Variants in DGLUCY observed in about 807,000 individuals in gnomAD.
DGLUCY encodes D-glutamate cyclase, also known as D-glutamate cyclase, mitochondrial.
A neutral mutation model predicts 58.5 loss-of-function variants in DGLUCY; 58 were observed. The ratio of observed to expected loss-of-function variants is 0.99; its 90% CI spans 0.80 to 1.23. The LOEUF (loss-of-function observed/expected upper bound fraction) is 1.23, where lower values mean the gene tolerates loss of function less well. Ranked by LOEUF, DGLUCY falls within the 50% of genes most tolerant of loss-of-function variation. The pLI is 0.00. For missense variants in DGLUCY, 779 were observed against 784.7 expected (o/e 0.99, Z 0.09); for synonymous variants, 325 against 314.1 (o/e 1.03, Z -0.37).
At chr14:91,211,432 T>C (rs1038354716) in intron 12 of DGLUCY, among the ~76,000 whole-genome samples, 3 of 152,194 alleles carry the variant, frequency 2.0e-5, no homozygotes, top group Admixed American at 6.5e-5. Context: ...TAAGACTTAC[T>C]ATAAAGCTAC....
intron 8 of DGLUCY, among the ~76,000 whole-genome samples, chr14:91,183,452 C>T (rs975740858): frequency 6.6e-6 from 1 of 152,182 alleles, no homozygotes; most frequent in Admixed American, 6.5e-5. Context: ...CCTTTGTTGG[C>T]AAACACTCAT....
chr14:91,204,771 C>T lies in DGLUCY; in HGVS notation c.1510C>T (p.Arg504Trp), dbSNP rs149609125. The T allele has an allele frequency of 1.0e-3, 1,647 of 1,614,086 alleles. 5 individuals carry two copies. Among genetic ancestry groups the T allele is most frequent in the Non-Finnish European group, 1.2e-3 (1,462 of 1,179,984 alleles). ...CAAGGAGGCTGTGAGGAGGCACATA[C>T]GGCACGGGGATGTCATCGCCTGCGA... Reference protein sequence around the residue: ...KVKEAVRRHIRHGDVIACDVE... With the variant: ...KVKEAVRRHIWHGDVIACDVE... Residue 504 changes from arginine to tryptophan, a missense_variant, in exon 12 of 14, where the codon CGG (arginine) becomes TGG (tryptophan). By Grantham distance (101) the Arg-to-Trp change is moderately radical. Coordinates refer to ENST00000256324, the MANE Select transcript of DGLUCY (RefSeq NM_001102368.3).
At chr14:91,164,870 G>A (rs2048189191) in intron 3 of DGLUCY, among the ~76,000 whole-genome samples, 1 of 152,218 alleles carries the variant, frequency 6.6e-6, no homozygotes, top group Admixed American at 6.5e-5. Flanking sequence ...TCAAGGCCAT[G>A]GGGCTCTGCA....
intron 9 of DGLUCY, among the ~76,000 whole-genome samples, chr14:91,194,786 G>T (rs557068454): frequency 1.3e-5 from 2 of 152,188 alleles, no homozygotes; most frequent in East Asian, 3.9e-4. Context: ...TGATCTGCCC[G>T]CCTCAGACTC....
intron 1 of DGLUCY, among the ~76,000 whole-genome samples, chr14:91,125,851 G>A (rs565263825): frequency 6.6e-6 from 1 of 152,306 alleles, no homozygotes; most frequent in South Asian, 2.1e-4. Context: ...AGAATTGCTT[G>A]AACCGAGGAG....
chr14:91,115,193 G>C (rs1001807289), intron 1 of DGLUCY: 1 of 152,516 alleles, frequency 6.6e-6, no homozygotes, highest in Non-Finnish European at 1.5e-5. Flanking sequence ...TTGGCACGCA[G>C]GGGACGAGAG....
At chr14:91,196,655 G>C (rs2050232868) in intron 10 of DGLUCY, among the ~76,000 whole-genome samples, 181 bp downstream of exon 10, 1 of 151,138 alleles carries the variant, frequency 6.6e-6, no homozygotes, top group South Asian at 2.1e-4. Flanking sequence ...AGGTATCCTG[G>C]GGGCCTCACA....
At chr14:91,167,092 T>C (rs2048325899) in intron 3 of DGLUCY, 133 bp from the exon 4 acceptor site, 2 of 1,169,764 alleles carry the variant, frequency 1.7e-6, no homozygotes, top group Non-Finnish European at 2.4e-6. Flanking sequence ...TGAGCCAAGA[T>C]TGTGCCATTG....
chr14:91,215,389 TG>T lies in DGLUCY; in HGVS notation c.1565-15del. On this transcript the variant is annotated splice_polypyrimidine_tract_variant and intron_variant, in intron 12 of 13. Coordinates refer to ENST00000256324, the MANE Select transcript of DGLUCY (RefSeq NM_001102368.3). The stretch of plus-strand genomic sequence containing the variant: ...CTTTTCCAACTCCATGATGGAATCT[TG>T]TTTTGCTGTTCTAGGTGTTTCTAAC... 6.3e-7 allele frequency: 1 copy of T among 1,586,018 alleles called. No homozygotes were observed. Among genetic ancestry groups the T allele is most frequent in the Non-Finnish European group, 8.6e-7 (1 of 1,162,182 alleles).
chr14:91,069,154 T>G (rs1191008432), intron 1 of DGLUCY, among the ~76,000 whole-genome samples: 1 of 152,238 alleles, frequency 6.6e-6, no homozygotes, highest in Non-Finnish European at 1.5e-5. Context: ...TCTTTAACTT[T>G]TCTCTAATTT....
At chr14:91,163,084 C>A (rs2048082679) in intron 3 of DGLUCY, among the ~76,000 whole-genome samples, 1 of 151,926 alleles carries the variant, frequency 6.6e-6, no homozygotes, top group African/African-American at 2.4e-5. Context: ...ATGGTGAAAC[C>A]CTGTCTCTAC....
rs58858156 is a variant in DGLUCY at position 91,157,355 on chromosome 14, A to G, written c.-81-284A>G. On this transcript the variant is annotated intron_variant, in intron 1 of 13. Transcript: ENST00000256324. ...GATACATACATAGATTCATACATAT[A>G]GAAAGGTAAATAGTGATCAAACAAA... Among the ~76,000 whole-genome samples, 420 of 152,338 alleles carry G rather than the reference A, an allele frequency of 2.8e-3. 4 individuals are homozygous for G. Among genetic ancestry groups the G allele is most frequent in the African/African-American group, 9.6e-3 (399 of 41,572 alleles).
intron 9 of DGLUCY, among the ~76,000 whole-genome samples, chr14:91,193,423 G>A (rs183570221): frequency 3.2e-4 from 48 of 152,314 alleles, no homozygotes; most frequent in African/African-American, 1.1e-3. Context: ...GGAGCTCAGA[G>A]GGTAGAATTT....
chr14:91,080,931 C>T (rs2044112630), intron 1 of DGLUCY, among the ~76,000 whole-genome samples: 1 of 152,010 alleles, frequency 6.6e-6, no homozygotes. Context: ...TGGCCGGGCA[C>T]GGTGGCTCAC....
chr14:91,111,462 T>C (rs2044700503), upstream of DGLUCY, among the ~76,000 whole-genome samples: 1 of 152,110 alleles, frequency 6.6e-6, no homozygotes, highest in South Asian at 2.1e-4. Context: ...TTTGTATTTT[T>C]AGTAGAGACC....
intron 1 of DGLUCY, chr14:91,125,454 A>G (rs1211340051): frequency 6.6e-6 from 1 of 152,106 alleles, no homozygotes; most frequent in African/African-American, 2.4e-5. Context: ...GTGTTTAGAT[A>G]GGGTTGCTTG....
chr14:91,142,821 CAA>C (rs1890027105), intron 1 of DGLUCY, among the ~76,000 whole-genome samples: 2 of 40,256 alleles, frequency 5.0e-5, no homozygotes, highest in African/African-American at 2.2e-4. Context: ...CACACACACA[CAA>C]CACACCATCT....
intron 10 of DGLUCY, among the ~76,000 whole-genome samples, chr14:91,197,805 C>T (rs28660222): frequency 0.049 from 7,527 of 152,268 alleles, 440 homozygotes; most frequent in African/African-American, 0.14. Context: ...TCAGTGGGCA[C>T]TGGGTTTGCT....
At chr14:91,215,668 A>G in intron 13 of DGLUCY, 112 bp downstream of exon 13, 1 of 1,591,344 alleles carries the variant, frequency 6.3e-7, no homozygotes, top group South Asian at 1.1e-5. Flanking sequence ...GCCCCTCAAA[A>G]GCCAGAGGCA....
Sources: gnomAD v4.1 joint callset for allele counts (sites outside exome capture counted in the v4.1 genomes callset) on GRCh38, gnomAD v4.1.1 for gene constraint, MANE v1.5 for transcripts, NCBI Gene and HGNC (gene_info 2026-07-23, HGNC 2026-07-21) for gene names.